The following ZFHX3 variants were observed in gnomAD, a reference collection of about 807,000 sequenced individuals.
ZFHX3 encodes zinc finger homeobox 3, also known as zinc finger homeobox protein 3.
Under a neutral mutation model 279.1 loss-of-function variants are expected in ZFHX3, and 42 were observed. That is an observed-to-expected ratio of 0.15 (90% CI 0.12 to 0.19). The LOEUF (loss-of-function observed/expected upper bound fraction) is 0.19, where lower values mean the gene tolerates loss of function less well. Ranked by LOEUF, ZFHX3 falls within the 10% of genes least tolerant of loss-of-function variation. The pLI, the probability that ZFHX3 is intolerant of heterozygous loss-of-function variation, is 1.00. For missense variants in ZFHX3, 4,981 were observed against 4,754.0 expected (o/e 1.05, Z -1.40); for synonymous variants, 2,293 against 1,957.8 (o/e 1.17, Z -4.52).
chr16:73,044,667 G>A (rs376274149), intron 1 of ZFHX3, among the ~76,000 whole-genome samples: 41 of 152,208 alleles, frequency 2.7e-4, no homozygotes, highest in African/African-American at 8.9e-4. Flanking sequence ...TGTTGCCCAG[G>A]CTAGAATGCA....
At chr16:73,012,750 C>G (rs1963960421) in intron 1 of ZFHX3, among the ~76,000 whole-genome samples, 1 of 152,118 alleles carries the variant, frequency 6.6e-6, no homozygotes, top group South Asian at 2.1e-4. Flanking sequence ...ATCTAGATAC[C>G]CAACAACCTA....
At chr16:73,792,295 T>C (rs2142315716) in intron 1 of ZFHX3, among the ~76,000 whole-genome samples, 1 of 152,280 alleles carries the variant, frequency 6.6e-6, no homozygotes. Context: ...GGGAATGAAC[T>C]CATTTCCAGG....
At chr16:73,079,246 C>T (rs1473527867) in intron 8 of ZFHX3, among the ~76,000 whole-genome samples, 3 of 151,764 alleles carry the variant, frequency 2.0e-5, no homozygotes, top group South Asian at 2.1e-4. Context: ...TTTTTAAGGC[C>T]GGGCATAGTG....
chr16:73,044,782 C>T (rs771868458), intron 1 of ZFHX3, among the ~76,000 whole-genome samples: 26 of 152,180 alleles, frequency 1.7e-4, no homozygotes, highest in Admixed American at 3.9e-4. Flanking sequence ...CCATCACACT[C>T]GGCTAATTTT....
Position 72,796,313 on chromosome 16 carries a change from AG to A in ZFHX3, c.6368del (p.Pro2123LeufsTer53), listed in dbSNP as rs1424994185. The stretch of plus-strand genomic sequence containing the variant: ...AGAGTTGGGCCAGGTCCGCAGGCAG[AG>A]GCTCCACAGGTCCCAGCTGCGGGGG... The part of the protein sequence containing the change: ...QLPPQLGPVE[P>X]LPADLAQLYQ... On this transcript the variant is annotated frameshift_variant, in exon 9 of 10. Coordinates refer to ENST00000268489, the MANE Select transcript of ZFHX3 (RefSeq NM_006885.4). LOFTEE classifies it high-confidence loss of function. 1 of 1,613,980 alleles carries A rather than the reference AG, an allele frequency of 6.2e-7. No homozygotes were observed. Among genetic ancestry groups the A allele is most frequent in the Non-Finnish European group, 8.5e-7 (1 of 1,180,018 alleles).
intron 3 of ZFHX3, among the ~76,000 whole-genome samples, chr16:73,380,279 T>C (rs2016798536): frequency 6.6e-6 from 1 of 151,900 alleles, no homozygotes; most frequent in Non-Finnish European, 1.5e-5. Flanking sequence ...AAAATAAGAG[T>C]TGGAGGTATC....
chr16:73,348,341 G>C (rs1166973668), intron 3 of ZFHX3, among the ~76,000 whole-genome samples: 1 of 152,184 alleles, frequency 6.6e-6, no homozygotes, highest in South Asian at 2.1e-4. Flanking sequence ...GTCTCCCTGC[G>C]ATGGGTTGTT....
At chr16:72,943,129 C>A (rs979609600) in intron 3 of ZFHX3, among the ~76,000 whole-genome samples, 1 of 152,184 alleles carries the variant, frequency 6.6e-6, no homozygotes, top group Non-Finnish European at 1.5e-5. Flanking sequence ...CTAGGAAAGG[C>A]TGGTTATTTA....
At chr16:73,602,952 T>G (rs1191219342) in intron 2 of ZFHX3, among the ~76,000 whole-genome samples, 4 of 71,854 alleles carry the variant, frequency 5.6e-5, no homozygotes, top group Non-Finnish European at 1.3e-4. Flanking sequence ...AAAAAAAAAA[T>G]CACCATCTGA....
chr16:73,617,840 C>T (rs1021876146), intron 2 of ZFHX3, among the ~76,000 whole-genome samples: 2 of 152,122 alleles, frequency 1.3e-5, no homozygotes, highest in Non-Finnish European at 2.9e-5. Flanking sequence ...ATGACAACGC[C>T]TCCCTTCAGA....
At chr16:73,448,238 G>A (rs2018220786) in intron 3 of ZFHX3, among the ~76,000 whole-genome samples, 2 of 152,068 alleles carry the variant, frequency 1.3e-5, no homozygotes, top group South Asian at 2.1e-4. Flanking sequence ...AGGGAATGAG[G>A]TATACAAAAG....
In ZFHX3 at chr16:73,463,380, C is replaced by T. The variant is rs544522195; in HGVS notation, c.-1546-7122G>A. On this transcript the variant is annotated intron_variant, in intron 2 of 17. Coordinates refer to the ZFHX3 transcript ENST00000641206. Reference sequence around the variant, plus strand: ...TCAGAAGCAGGACAGAAATCAAACTCTTAGCCAGGCTGTCTACTAACGTTC... The same window carrying T: ...TCAGAAGCAGGACAGAAATCAAACTTTTAGCCAGGCTGTCTACTAACGTTC... 3.3e-5 allele frequency among the ~76,000 whole-genome samples: 5 copies of T among 152,300 alleles called. No individual in the cohort carries two copies. In the South Asian group the frequency reaches 1.0e-3, roughly 32 times the overall value.
At chr16:73,336,768 C>T (rs2015921548) in intron 3 of ZFHX3, among the ~76,000 whole-genome samples, 1 of 152,156 alleles carries the variant, frequency 6.6e-6, no homozygotes, top group Non-Finnish European at 1.5e-5. Flanking sequence ...CTTTCATCCA[C>T]TAAAGCAGAA....
At chr16:73,802,829 T>C (rs1185852252) in intron 1 of ZFHX3, among the ~76,000 whole-genome samples, 1 of 152,246 alleles carries the variant, frequency 6.6e-6, no homozygotes, top group Non-Finnish European at 1.5e-5. Context: ...CTTTTTGTTT[T>C]TGTTTTTTAA....
chr16:73,544,072 G>C (rs190861432), intron 2 of ZFHX3: 2 of 152,296 alleles, frequency 1.3e-5, no homozygotes, highest in Admixed American at 1.3e-4. Context: ...ATGAAGCATC[G>C]ATCGACTGCA....
At chr16:72,982,983 A>C (rs1373721248) in intron 1 of ZFHX3, among the ~76,000 whole-genome samples, 1 of 152,172 alleles carries the variant, frequency 6.6e-6, no homozygotes, top group Non-Finnish European at 1.5e-5. Flanking sequence ...GTAAAGGGTG[A>C]TTTGGGCCCC....
At chr16:73,453,588 G>A (rs1420700159) in intron 3 of ZFHX3, among the ~76,000 whole-genome samples, 3 of 152,176 alleles carry the variant, frequency 2.0e-5, no homozygotes. Flanking sequence ...TGCAAATGAA[G>A]GAACCGTCTC....
At chr16:73,607,008 A>C (rs115899858) in intron 2 of ZFHX3, among the ~76,000 whole-genome samples, 71 of 74,302 alleles carry the variant, frequency 9.6e-4, no homozygotes, top group Admixed American at 2.9e-3. Context: ...ACAACAACAA[A>C]AACAAATAAA....
At chr16:73,490,664 T>C (rs825843) in intron 2 of ZFHX3, among the ~76,000 whole-genome samples, 91,051 of 151,938 alleles carry the variant, frequency 0.6, 29,785 homozygotes, top group East Asian at 0.96. Flanking sequence ...ATGGAAAAGC[T>C]CCATCTCTAC....
Sources: allele counts gnomAD v4.1 joint callset (sites outside exome capture counted in the v4.1 genomes callset), GRCh38; gene constraint gnomAD v4.1.1; transcripts MANE v1.5; gene names NCBI Gene and HGNC (gene_info 2026-07-23, HGNC 2026-07-21).